The following MME variants were observed in gnomAD, a reference collection of about 807,000 sequenced individuals.
MME encodes the protein membrane metalloendopeptidase.
In MME, 98 loss-of-function variants were observed where a neutral mutation model predicts 113.2. That is an observed-to-expected ratio of 0.87 (90% confidence interval 0.74 to 1.02). The LOEUF (loss-of-function observed/expected upper bound fraction) is 1.02, where lower values mean the gene tolerates loss of function less well. Among genes scored for constraint, MME ranks in the 50% least tolerant of loss-of-function variants. The pLI, the probability that MME is intolerant of heterozygous loss-of-function variation, is 0.00. For synonymous variants in MME, 292 were observed against 300.6 expected (o/e 0.97, Z 0.30); for missense variants, 836 against 896.0 (o/e 0.93, Z 0.86).
intron 9 of MME, among the ~76,000 whole-genome samples, chr3:155,138,503 C>G (rs1443412031): frequency 6.6e-6 from 1 of 152,144 alleles, no homozygotes; most frequent in Non-Finnish European, 1.5e-5. Flanking sequence ...TGGATTCCAT[C>G]AGAATTCTAC....
chr3:155,062,026 C>A (rs1385545277), intron 1 of MME, among the ~76,000 whole-genome samples: 1 of 152,120 alleles, frequency 6.6e-6, no homozygotes, highest in Non-Finnish European at 1.5e-5. Flanking sequence ...CAAATAACAG[C>A]AGTTTTATTT....
In MME at chr3:155,097,234, C is replaced by G. The variant is rs113011259; in HGVS notation, c.196+12140C>G. Among the ~76,000 whole-genome samples, 415 of 152,108 alleles carry G rather than the reference C, an allele frequency of 2.7e-3. 1 individual carries two copies. Among genetic ancestry groups the G allele is most frequent in the Middle Eastern group, 6.8e-3 (2 of 294 alleles). On this transcript the variant is annotated intron_variant, in intron 3 of 22. Coordinates refer to ENST00000360490, the MANE Select transcript of MME (RefSeq NM_007289.4). Reference sequence around the variant, plus strand: ...GAAGATGGTGTTGGAAATAAAGATTCGGGGGTCATCAGCATGTGGATGATA... The same window carrying G: ...GAAGATGGTGTTGGAAATAAAGATTGGGGGGTCATCAGCATGTGGATGATA...
At chr3:155,108,853 T>G (rs1342030963) in intron 3 of MME, among the ~76,000 whole-genome samples, 1 of 152,078 alleles carries the variant, frequency 6.6e-6, no homozygotes. Context: ...AAAATCCTAT[T>G]TTCAGTTAGC....
chr3:155,131,682 C>T (rs930046786), intron 8 of MME, among the ~76,000 whole-genome samples: 1 of 152,160 alleles, frequency 6.6e-6, no homozygotes, highest in African/African-American at 2.4e-5. Context: ...AGTCCCTATG[C>T]TGGTCCAAGT....
At position 155,133,056 on chromosome 3, in the gene MME, A is replaced by T. The variant is rs1174580028; in HGVS notation, c.721-5046A>T. ...ACCCCGTCTAAAAAAAAAAAAAAAAAAAAAAAATATATATATATATATATG... is the reference window on the plus strand; with the variant it reads ...ACCCCGTCTAAAAAAAAAAAAAAAATAAAAAAATATATATATATATATATG... On this transcript the variant is annotated intron_variant, in intron 8 of 22. Coordinates refer to ENST00000360490, the MANE Select transcript of MME (RefSeq NM_007289.4). Among the ~76,000 whole-genome samples the T allele has an allele frequency of 2.9e-3, 246 of 85,208 alleles. 1 individual carries two copies. Among genetic ancestry groups the T allele is most frequent in the African/African-American group, 0.01 (227 of 21,986 alleles). 55.9% of individuals were successfully genotyped at this position (85,208 alleles called of 152,430 possible).
intron 3 of MME, among the ~76,000 whole-genome samples, chr3:155,099,138 A>T (rs1202770412): frequency 6.6e-6 from 1 of 152,126 alleles, no homozygotes; most frequent in Non-Finnish European, 1.5e-5. Flanking sequence ...GTTCATATGG[A>T]TTAGTATTTT....
At chr3:155,073,731 G>T (rs1714655292) in intron 1 of MME, among the ~76,000 whole-genome samples, 2 of 151,552 alleles carry the variant, frequency 1.3e-5, no homozygotes, top group Admixed American at 6.6e-5. Flanking sequence ...TTCTTTTCTT[G>T]CCTTTTTTTT....
rs1713026963 is a variant in MME at position 155,180,954 on chromosome 3, A to T, written c.*495A>T. On this transcript the variant is annotated 3_prime_UTR_variant, in exon 23 of 23. Coordinates refer to ENST00000360490, the MANE Select transcript of MME (RefSeq NM_007289.4). ...TTCAAAATCCTTCCAAAGAATTCTT[A>T]TACACATTGGGGCCTTGGAGCTTAC... 5.9e-6 allele frequency: 1 copy of T among 168,252 alleles called. No individual in the cohort carries two copies. Among genetic ancestry groups the T allele is most frequent in the Non-Finnish European group, 1.3e-5 (1 of 75,946 alleles). 10.4% of individuals were successfully genotyped at this position (168,252 alleles called of 1,614,324 possible). A position where few individuals can be genotyped will look rare whatever the true frequency, so the allele number is the denominator to read the frequency against.
chr3:155,163,636 T>G (rs540461611), intron 17 of MME, among the ~76,000 whole-genome samples: 7 of 152,338 alleles, frequency 4.6e-5, no homozygotes, highest in African/African-American at 1.7e-4. Context: ...TAGTGTATTC[T>G]CCTTTTTCAT....
chr3:155,114,642 C>A (rs947154462), intron 3 of MME, among the ~76,000 whole-genome samples: 1 of 152,128 alleles, frequency 6.6e-6, no homozygotes, highest in African/African-American at 2.4e-5. Context: ...TGAAGAATGG[C>A]ATGCTAACCT....
chr3:155,084,205 T>C lies in MME; in HGVS notation c.38T>C (p.Ile13Thr), dbSNP rs751490017. The C allele has an allele frequency of 2.3e-5, 37 of 1,614,032 alleles. No individual in the cohort carries two copies. The highest frequency in any genetic ancestry group is 3.3e-5 in the Admixed American group (2 of 59,992). The change falls in exon 2 of 23, where the codon ATC becomes ACC. Residue 13 changes from isoleucine (I) to threonine (T), a missense_variant. Coordinates refer to ENST00000360490, the MANE Select transcript of MME (RefSeq NM_007289.4). ...GAAAGTCAGATGGATATAACTGATA[T>C]CAACACTCCAAAGCCAAAGAAGAAA... The part of the protein sequence containing the change: ...KSESQMDITD[I>T]NTPKPKKKQR...
At chr3:155,077,656 G>A (rs1024625310), upstream of MME, among the ~76,000 whole-genome samples, 12 of 151,990 alleles carry the variant, frequency 7.9e-5, no homozygotes, top group Admixed American at 7.9e-4. Flanking sequence ...CTGAAGGATT[G>A]CTTGAGCCCA....
intron 3 of MME, among the ~76,000 whole-genome samples, chr3:155,095,982 T>C (rs1559914304): frequency 6.6e-6 from 1 of 152,008 alleles, no homozygotes; most frequent in Non-Finnish European, 1.5e-5. Context: ...TGAAGGATAA[T>C]TGAATTGCCC....
At chr3:155,169,165 C>T (rs915366033) in intron 20 of MME, among the ~76,000 whole-genome samples, 1 of 152,014 alleles carries the variant, frequency 6.6e-6, no homozygotes, top group African/African-American at 2.4e-5. Flanking sequence ...GGGTCTTTGA[C>T]CAATATAAGA....
chr3:155,133,062 A>AAATAT (rs1553762419), intron 8 of MME, among the ~76,000 whole-genome samples: 4 of 75,080 alleles, frequency 5.3e-5, no homozygotes, highest in African/African-American at 2.0e-4. Flanking sequence ...AAAAAAAAAA[A>AAATAT]ATATATATAT....
At chr3:155,040,131 T>C (rs1172153619) in intron 1 of MME, among the ~76,000 whole-genome samples, 1 of 152,140 alleles carries the variant, frequency 6.6e-6, no homozygotes, top group African/African-American at 2.4e-5. Context: ...CTAATCAGTC[T>C]GTATAGAGGG....
chr3:155,102,673 G>A (rs1717356013), intron 3 of MME, among the ~76,000 whole-genome samples: 2 of 152,154 alleles, frequency 1.3e-5, no homozygotes, highest in South Asian at 4.1e-4. Flanking sequence ...GTTCTCATGA[G>A]ATGCCCATGA....
At chr3:155,076,073 T>C (rs1405119663), upstream of MME, among the ~76,000 whole-genome samples, 1 of 152,180 alleles carries the variant, frequency 6.6e-6, no homozygotes, top group African/African-American at 2.4e-5. Context: ...TGGTGGGAAG[T>C]TTTTCAATTT....
At chr3:155,029,167 C>A (rs1365064065) in intron 1 of MME, among the ~76,000 whole-genome samples, 1 of 152,068 alleles carries the variant, frequency 6.6e-6, no homozygotes, top group African/African-American at 2.4e-5. Context: ...CTTACTATTT[C>A]TTGTTAATAC....
Sources: gnomAD v4.1 joint callset for allele counts (sites outside exome capture counted in the v4.1 genomes callset) on GRCh38, gnomAD v4.1.1 for gene constraint, MANE v1.5 for transcripts, NCBI Gene and HGNC (gene_info 2026-07-23, HGNC 2026-07-21) for gene names.